MTA3: variants seen among roughly 807,000 people sequenced by gnomAD.
The protein encoded by MTA3 is metastasis associated 1 family member 3, also known as metastasis-associated protein MTA3.
MTA3 carries 34 observed loss-of-function variants against 83.5 expected under a neutral mutation model. That is an observed-to-expected ratio of 0.41 (90% CI 0.31 to 0.54). The LOEUF (loss-of-function observed/expected upper bound fraction) is 0.54, where lower values mean the gene tolerates loss of function less well. Among genes scored for constraint, MTA3 ranks in the 20% least tolerant of loss-of-function variants. MTA3 has a pLI of 0.33. For synonymous variants in MTA3, 303 were observed against 252.7 expected, an observed-to-expected ratio of 1.20 and a Z score of -1.89; for missense variants, 761 against 726.4, an observed-to-expected ratio of 1.05 and a Z score of -0.55.
chr2:42,717,832 C>G (rs535278513), intron 14 of MTA3, among the ~76,000 whole-genome samples: 1 of 152,278 alleles, frequency 6.6e-6, no homozygotes, highest in Non-Finnish European at 1.5e-5. Flanking sequence ...CAAGTATGGC[C>G]CATCTAGGTC....
chr2:42,734,459 G>A (rs1668467333), intron 16 of MTA3, among the ~76,000 whole-genome samples: 1 of 122,854 alleles, frequency 8.1e-6, no homozygotes, highest in Admixed American at 8.4e-5. Flanking sequence ...GTAGGCAACA[G>A]ATCACGGGGC....
intron 16 of MTA3, among the ~76,000 whole-genome samples, chr2:42,725,850 A>G (rs1667770394): frequency 6.6e-6 from 1 of 152,194 alleles, no homozygotes; most frequent in African/African-American, 2.4e-5. Context: ...GTGTGCTTGT[A>G]GAGTCCCACC....
At position 42,626,136 on chromosome 2, in the gene MTA3, G is replaced by A. The variant is rs536585612; in HGVS notation, c.318-14037G>A. On this transcript the variant is annotated intron_variant, in intron 4 of 16. Coordinates refer to ENST00000405094, the MANE Select transcript of MTA3 (RefSeq NM_001330442.2). ...TTTTTTGTATTTTTAGTAGAGATGG[G>A]GTTTCACAGTGTTAGCCAGGATGGT... Among the ~76,000 whole-genome samples, 153 of 150,810 alleles carry A rather than the reference G, an allele frequency of 1.0e-3. 1 individual carries two copies. In the Middle Eastern group the frequency reaches 0.02, roughly 20 times the overall value.
chr2:42,538,261 C>T (rs886592195), intron 2 of MTA3, among the ~76,000 whole-genome samples: 1 of 151,688 alleles, frequency 6.6e-6, no homozygotes, highest in East Asian at 1.9e-4. Context: ...ATAATTTTGA[C>T]AATAATAAAT....
chr2:42,521,424 C>A (rs1340303854), intron 2 of MTA3, among the ~76,000 whole-genome samples: 1 of 152,104 alleles, frequency 6.6e-6, no homozygotes, highest in Non-Finnish European at 1.5e-5. Flanking sequence ...CACCCAGATT[C>A]CTAACCATAG....
intron 2 of MTA3, among the ~76,000 whole-genome samples, chr2:42,547,719 A>C (rs2103762573): frequency 6.6e-6 from 1 of 152,312 alleles, no homozygotes; most frequent in Admixed American, 6.5e-5. Flanking sequence ...CATACTCCTA[A>C]ATTAGGTTTT....
intron 3 of MTA3, among the ~76,000 whole-genome samples, chr2:42,603,800 C>G (rs1196533388): frequency 1.3e-5 from 2 of 152,158 alleles, no homozygotes; most frequent in Non-Finnish European, 2.9e-5. Flanking sequence ...GCTCTGTCAC[C>G]CAGGCTGGTG....
intron 2 of MTA3, among the ~76,000 whole-genome samples, chr2:42,560,916 A>G (rs1477703649): frequency 6.6e-6 from 1 of 152,194 alleles, no homozygotes; most frequent in African/African-American, 2.4e-5. Flanking sequence ...CAAAAACAAA[A>G]CAAAAACCAA....
chr2:42,662,825 G>A (rs1412925561), intron 8 of MTA3, among the ~76,000 whole-genome samples: 2 of 151,146 alleles, frequency 1.3e-5, no homozygotes, highest in African/African-American at 2.4e-5. Flanking sequence ...TCCGCTTCCC[G>A]GGTTCAAGTG....
intron 16 of MTA3, among the ~76,000 whole-genome samples, chr2:42,739,927 C>T (rs762857951): frequency 2.6e-5 from 4 of 152,224 alleles, no homozygotes; most frequent in Non-Finnish European, 5.9e-5. Flanking sequence ...GGTTCCACTT[C>T]TCATTCTAAT....
At chr2:42,538,189 C>T (rs530343175) in intron 2 of MTA3, among the ~76,000 whole-genome samples, 2 of 151,972 alleles carry the variant, frequency 1.3e-5, no homozygotes, top group Admixed American at 1.3e-4. Flanking sequence ...GCTGAGATCA[C>T]GCCACTGGAC....
intron 16 of MTA3, among the ~76,000 whole-genome samples, chr2:42,733,624 T>C (rs1668394337): frequency 6.6e-6 from 1 of 152,234 alleles, no homozygotes; most frequent in South Asian, 2.1e-4. Context: ...GACCCACTGG[T>C]CATTCAGGAG....
At chr2:42,612,156 A>G (rs1225553282) in intron 4 of MTA3, among the ~76,000 whole-genome samples, 1 of 152,244 alleles carries the variant, frequency 6.6e-6, no homozygotes, top group Non-Finnish European at 1.5e-5. Flanking sequence ...GAGATGGAAC[A>G]TAAAAACGTG....
intron 3 of MTA3, among the ~76,000 whole-genome samples, chr2:42,598,969 A>G (rs1235244221): frequency 6.6e-6 from 1 of 152,142 alleles, no homozygotes; most frequent in Non-Finnish European, 1.5e-5. Context: ...GAAGTTGGAA[A>G]ATGGTCATCT....
intron 5 of MTA3, among the ~76,000 whole-genome samples, chr2:42,641,025 G>T (rs915847722): frequency 1.3e-5 from 2 of 152,038 alleles, no homozygotes; most frequent in African/African-American, 2.4e-5. Context: ...TCATGCTTCA[G>T]CCTCCTGAGT....
chr2:42,691,898 T>C (rs754367879), intron 9 of MTA3, among the ~76,000 whole-genome samples: 6 of 152,220 alleles, frequency 3.9e-5, no homozygotes, highest in Admixed American at 6.5e-5. Flanking sequence ...GTATTGGAAC[T>C]CCATTATAAG....
chr2:42,504,016 C>T (rs967570406), intron 2 of MTA3, among the ~76,000 whole-genome samples: 3 of 151,334 alleles, frequency 2.0e-5, no homozygotes, highest in South Asian at 2.1e-4. Context: ...CTCCACCTCC[C>T]GGGTTCAAGC....
At position 42,568,715 on chromosome 2, in the gene MTA3, C is replaced by T. The variant is rs1289289138; in HGVS notation, c.-31C>T. ...GGAGGCGGCGGCGGCGGGCGGGGCT[C>T]GGCTCGGGCTCCGCGGGCGGGCGGG... On this transcript the variant is annotated 5_prime_UTR_variant, in exon 1 of 17. Transcript: ENST00000405094. The T allele has an allele frequency of 8.3e-7, 1 of 1,209,250 alleles. No homozygotes were observed. The allele number at this position is 1,209,250 out of a possible 1,614,324, so 74.9% of individuals were successfully genotyped here. A position where few individuals can be genotyped will look rare whatever the true frequency, so the allele number is the denominator to read the frequency against.
At chr2:42,620,619 A>G (rs113823246) in intron 4 of MTA3, among the ~76,000 whole-genome samples, 138 of 152,198 alleles carry the variant, frequency 9.1e-4, no homozygotes, top group African/African-American at 3.1e-3. Context: ...CAGCCTCCCA[A>G]TTAGCTTGGA....
Sources: gnomAD v4.1 joint callset for allele counts (sites outside exome capture counted in the v4.1 genomes callset) on GRCh38, gnomAD v4.1.1 for gene constraint, MANE v1.5 for transcripts, NCBI Gene and HGNC (gene_info 2026-07-23, HGNC 2026-07-21) for gene names.